The following MARCHF1 variants were observed in gnomAD, a reference collection of about 807,000 sequenced individuals.
MARCHF1 encodes E3 ubiquitin-protein ligase MARCHF1.
Under a neutral mutation model 54.2 loss-of-function variants are expected in MARCHF1, and 40 were observed. That is an observed-to-expected ratio of 0.74 (90% CI 0.57 to 0.96). The LOEUF (loss-of-function observed/expected upper bound fraction) is 0.96, where lower values mean the gene tolerates loss of function less well. Among genes scored for constraint, MARCHF1 ranks in the 40% least tolerant of loss-of-function variants. The probability of loss-of-function intolerance (pLI) is 0.00; values close to 1 mark genes in which losing one functional copy is unlikely to be tolerated. For synonymous variants in MARCHF1, 236 were observed against 236.3 expected (o/e 1.00, Z 0.01); for missense variants, 586 against 656.5 (o/e 0.89, Z 1.17).
At chr4:164,229,313 T>A (rs1007751633) in intron 1 of MARCHF1, among the ~76,000 whole-genome samples, 10 of 152,146 alleles carry the variant, frequency 6.6e-5, no homozygotes, top group Admixed American at 5.2e-4. Context: ...GTACCTTCCT[T>A]TGTGTGCTCT....
intron 1 of MARCHF1, among the ~76,000 whole-genome samples, chr4:164,236,216 C>T (rs181774100): frequency 1.3e-5 from 2 of 152,188 alleles, no homozygotes; most frequent in Admixed American, 6.5e-5. Flanking sequence ...TGAACCATTG[C>T]TTCTAAGGGA....
chr4:164,092,867 C>T (rs1282922568), intron 2 of MARCHF1, among the ~76,000 whole-genome samples: 3 of 152,076 alleles, frequency 2.0e-5, no homozygotes, highest in Non-Finnish European at 4.4e-5. Flanking sequence ...GTCTAGAACA[C>T]AGGGGATTTT....
chr4:164,060,775 A>G, intron 2 of MARCHF1, among the ~76,000 whole-genome samples: 1 of 152,198 alleles, frequency 6.6e-6, no homozygotes, highest in Admixed American at 6.5e-5. Flanking sequence ...GCAATTAAAC[A>G]AAGATTAAAT....
intron 4 of MARCHF1, among the ~76,000 whole-genome samples, chr4:163,759,942 T>A (rs560567624): frequency 6.6e-6 from 1 of 152,328 alleles, no homozygotes; most frequent in African/African-American, 2.4e-5. Context: ...TCATGTGTAT[T>A]AGGTTTCTAT....
intron 1 of MARCHF1, among the ~76,000 whole-genome samples, chr4:164,323,101 A>G (rs1735184678): frequency 6.6e-6 from 1 of 151,896 alleles, no homozygotes; most frequent in South Asian, 2.1e-4. Flanking sequence ...CTTTTATGGA[A>G]CACCAACAAA....
chr4:164,067,038 G>T (rs1754745616), intron 2 of MARCHF1, among the ~76,000 whole-genome samples: 1 of 65,974 alleles, frequency 1.5e-5, no homozygotes, highest in African/African-American at 4.9e-5. Context: ...TCTGACGAAG[G>T]CTTTTAATAG....
chr4:164,298,902 T>C (rs896086603), intron 1 of MARCHF1, among the ~76,000 whole-genome samples: 3 of 152,156 alleles, frequency 2.0e-5, no homozygotes, highest in Admixed American at 6.5e-5. Flanking sequence ...TTCCTTTTCA[T>C]GTGTACTCTA....
chr4:163,696,518 G>A (rs1431748390), intron 5 of MARCHF1, among the ~76,000 whole-genome samples: 3 of 152,086 alleles, frequency 2.0e-5, no homozygotes, highest in Non-Finnish European at 4.4e-5. Flanking sequence ...TCCCTGGTAG[G>A]TGACACTTCT....
chr4:163,535,292 T>G (rs1738491526), intron 9 of MARCHF1, among the ~76,000 whole-genome samples: 1 of 152,146 alleles, frequency 6.6e-6, no homozygotes, highest in South Asian at 2.1e-4. Context: ...TGTTTTATTC[T>G]TGATTTTTCT....
chr4:164,244,008 G>A (rs1002706973), intron 1 of MARCHF1, among the ~76,000 whole-genome samples: 1 of 152,014 alleles, frequency 6.6e-6, no homozygotes, highest in Non-Finnish European at 1.5e-5. Flanking sequence ...ATTAATAATG[G>A]GAGACTTTAA....
At chr4:164,076,821 A>G (rs1754991304) in intron 2 of MARCHF1, among the ~76,000 whole-genome samples, 1 of 152,162 alleles carries the variant, frequency 6.6e-6, no homozygotes, top group African/African-American at 2.4e-5. Context: ...AATACAACTT[A>G]CAGGGTATGT....
In MARCHF1 at chr4:163,751,356, C is replaced by T. The variant is rs554850852; in HGVS notation, c.112-50493G>A. Among the ~76,000 whole-genome samples the T allele has an allele frequency of 2.6e-5, 4 of 151,878 alleles. No homozygotes were observed. In the East Asian group the frequency reaches 5.8e-4, roughly 22 times the overall value. Reference sequence around the variant, plus strand: ...CTTTATTACCATTTCTATGTAACATCGTCCTGGAGTCTAAGCTATGCAATA... The same window carrying T: ...CTTTATTACCATTTCTATGTAACATTGTCCTGGAGTCTAAGCTATGCAATA... On this transcript the variant is annotated intron_variant, in intron 4 of 9. Transcript: ENST00000514618.
chr4:163,997,787 A>T (rs949865229), intron 2 of MARCHF1, among the ~76,000 whole-genome samples: 3 of 151,954 alleles, frequency 2.0e-5, no homozygotes, highest in African/African-American at 7.2e-5. Flanking sequence ...AGGAGATAAT[A>T]GTTGTTCAAT....
At chr4:163,977,466 C>T (rs1752671205) in intron 3 of MARCHF1, among the ~76,000 whole-genome samples, 1 of 152,014 alleles carries the variant, frequency 6.6e-6, no homozygotes, top group Non-Finnish European at 1.5e-5. Context: ...ATACATAAGC[C>T]CCTCAATGAT....
chr4:164,327,901 T>A (rs1735324639), intron 1 of MARCHF1, among the ~76,000 whole-genome samples: 1 of 152,212 alleles, frequency 6.6e-6, no homozygotes, highest in African/African-American at 2.4e-5. Flanking sequence ...AAGTCCAGCA[T>A]GAGGTATGTC....
chr4:164,051,901 G>A (rs1198158187), intron 2 of MARCHF1, among the ~76,000 whole-genome samples: 2 of 152,064 alleles, frequency 1.3e-5, no homozygotes, highest in African/African-American at 2.4e-5. Context: ...ATTTCTACTT[G>A]CTCCCACATA....
intron 1 of MARCHF1, among the ~76,000 whole-genome samples, chr4:164,343,119 A>G (rs558148891): frequency 9.9e-5 from 15 of 152,140 alleles, no homozygotes; most frequent in Non-Finnish European, 2.2e-4. Flanking sequence ...TTGCTAAGAG[A>G]GTAGCTCTTA....
intron 1 of MARCHF1, among the ~76,000 whole-genome samples, chr4:164,346,788 A>G (rs990973360): frequency 6.6e-6 from 1 of 151,746 alleles, no homozygotes; most frequent in African/African-American, 2.4e-5. Flanking sequence ...ATCAGGTAGT[A>G]CAGTTATAAT....
Position 163,613,327 on chromosome 4 carries a change from G to A in MARCHF1, c.229C>T (p.Gln77Ter). 6.2e-7 allele frequency: 1 copy of A among 1,611,876 alleles called. No individual in the cohort carries two copies. Among genetic ancestry groups the A allele is most frequent in the Non-Finnish European group, 8.5e-7 (1 of 1,179,056 alleles). ...TTCAGCACTTACCTGCAGATGTCCT[G>A]AGTGGATGGACAGACAGACAACCTT... ...QSRLSVCPST[Q>*]DICRSAILHD... The change falls in exon 6 of 10, where the codon CAG (glutamine) becomes TAG (stop). Residue 77 changes from glutamine (Q) to a stop codon, truncating the protein, a stop_gained. Coordinates refer to ENST00000514618, the MANE Select transcript of MARCHF1 (RefSeq NM_001394959.1). LOFTEE classifies it high-confidence loss of function.
Sources: allele counts gnomAD v4.1 joint callset (sites outside exome capture counted in the v4.1 genomes callset), GRCh38; gene constraint gnomAD v4.1.1; transcripts MANE v1.5; gene names NCBI Gene and HGNC (gene_info 2026-07-23, HGNC 2026-07-21).